NR3C2: variants seen among roughly 807,000 people sequenced by gnomAD.
The protein encoded by NR3C2 is nuclear receptor subfamily 3 group C member 2.
NR3C2 carries 15 observed loss-of-function variants against 86.4 expected under a neutral mutation model. That is an observed-to-expected ratio of 0.17 (90% confidence interval 0.12 to 0.27). NR3C2 has a LOEUF of 0.27. Among genes scored for constraint, NR3C2 ranks in the 10% least tolerant of loss-of-function variants. The pLI is 1.00. For missense variants in NR3C2, 960 were observed against 1,195.6 expected (o/e 0.80, Z 2.91); for synonymous variants, 458 against 450.5 (o/e 1.02, Z -0.21).
At chr4:148,195,032 T>C (rs1736376957) in intron 3 of NR3C2, among the ~76,000 whole-genome samples, 170 bp from the exon 4 acceptor site, 1 of 152,228 alleles carries the variant, frequency 6.6e-6, no homozygotes, top group Non-Finnish European at 1.5e-5. Context: ...GTCAGCTTAA[T>C]GCAGCTGAGA....
chr4:148,325,846 A>G (rs911061428), intron 2 of NR3C2, among the ~76,000 whole-genome samples: 4 of 152,110 alleles, frequency 2.6e-5, no homozygotes, highest in African/African-American at 9.7e-5. Flanking sequence ...GTTATCCAAT[A>G]TCTTGTTTTA....
At chr4:148,175,333 C>T (rs949971508) in intron 4 of NR3C2, among the ~76,000 whole-genome samples, 2 of 152,078 alleles carry the variant, frequency 1.3e-5, no homozygotes, top group African/African-American at 2.4e-5. Flanking sequence ...GAAGGATGCC[C>T]GTGCTCCATT....
intron 2 of NR3C2, among the ~76,000 whole-genome samples, chr4:148,265,339 T>C (rs368081159): frequency 1.3e-5 from 2 of 152,242 alleles, no homozygotes; most frequent in South Asian, 4.1e-4. Context: ...GTGTGCTATG[T>C]TTTTGCCCAA....
chr4:148,355,142 A>G (rs939154328), intron 2 of NR3C2, among the ~76,000 whole-genome samples: 1 of 152,178 alleles, frequency 6.6e-6, no homozygotes, highest in Non-Finnish European at 1.5e-5. Flanking sequence ...TAAATGTTCT[A>G]TAGTAAAGAT....
At chr4:148,366,480 TCAGCA>T (rs1746147160) in intron 2 of NR3C2, among the ~76,000 whole-genome samples, 1 of 19,360 alleles carries the variant, frequency 5.2e-5, no homozygotes, top group Non-Finnish European at 1.0e-4. Context: ...TAAAAAGTAC[TCAGCA>T]CTTTTAAAAA....
intron 2 of NR3C2, among the ~76,000 whole-genome samples, chr4:148,365,694 C>T (rs553335913): frequency 2.6e-4 from 39 of 152,200 alleles, no homozygotes; most frequent in African/African-American, 8.4e-4. Context: ...ATTTTGAGAT[C>T]TCTACAACCA....
At chr4:148,429,512 T>C (rs755835031) in intron 2 of NR3C2, among the ~76,000 whole-genome samples, 9 of 152,236 alleles carry the variant, frequency 5.9e-5, no homozygotes, top group African/African-American at 2.2e-4. Flanking sequence ...TCCACCACTT[T>C]TCTACATAAA....
intron 2 of NR3C2, among the ~76,000 whole-genome samples, chr4:148,405,645 G>A (rs1297956456): frequency 6.6e-6 from 1 of 152,212 alleles, no homozygotes; most frequent in East Asian, 1.9e-4. Flanking sequence ...AAAAACTTGA[G>A]AGACCTTTGG....
At chr4:148,205,316 A>G (rs1282310060) in intron 3 of NR3C2, among the ~76,000 whole-genome samples, 1 of 152,248 alleles carries the variant, frequency 6.6e-6, no homozygotes, top group East Asian at 1.9e-4. Context: ...TTTTGGGTCT[A>G]TAATGCTATA....
chr4:148,298,764 AT>A (rs1742185285), intron 2 of NR3C2, among the ~76,000 whole-genome samples: 1 of 152,274 alleles, frequency 6.6e-6, no homozygotes, highest in South Asian at 2.1e-4. Flanking sequence ...CTTCAGAGAA[AT>A]TACAAATGCT....
intron 4 of NR3C2, among the ~76,000 whole-genome samples, chr4:148,189,311 T>C (rs1736087535): frequency 6.6e-6 from 1 of 152,198 alleles, no homozygotes; most frequent in South Asian, 2.1e-4. Flanking sequence ...ATTTTTTTGT[T>C]TTTAATTCTG....
At chr4:148,389,079 T>C (rs546167389) in intron 2 of NR3C2, among the ~76,000 whole-genome samples, 1 of 152,216 alleles carries the variant, frequency 6.6e-6, no homozygotes, top group Non-Finnish European at 1.5e-5. Context: ...TAGAGGGCTA[T>C]CTTTCATCTC....
At chr4:148,124,309 T>C (rs778784908) in intron 6 of NR3C2, among the ~76,000 whole-genome samples, 16 of 152,208 alleles carry the variant, frequency 1.1e-4, no homozygotes, top group Non-Finnish European at 2.2e-4. Context: ...TGTCTGAAAA[T>C]GTCTTTATTT....
chr4:148,136,091 ACCAC>A (rs1560940094), intron 6 of NR3C2, among the ~76,000 whole-genome samples: 84 of 137,290 alleles, frequency 6.1e-4, no homozygotes, highest in Admixed American at 1.0e-3. Flanking sequence ...AAAAAAAAAC[ACCAC>A]CAAAACCAAC....
At chr4:148,095,235 T>C (rs932286441) in intron 8 of NR3C2, among the ~76,000 whole-genome samples, 1 of 152,312 alleles carries the variant, frequency 6.6e-6, no homozygotes, top group Middle Eastern at 3.4e-3. Flanking sequence ...CTGCTCCCAG[T>C]GCAGGCTGAA....
intron 8 of NR3C2, among the ~76,000 whole-genome samples, chr4:148,083,954 AAGAAAAGAAGATGAG>A (rs1463030503): frequency 6.6e-6 from 1 of 152,156 alleles, no homozygotes; most frequent in Admixed American, 6.5e-5. Context: ...GGAATAAAGC[AAGAAAAGAAGATGAG>A]AGAAAAAAGA....
At chr4:148,443,958 C>T (rs1191649298), upstream of NR3C2, 2 of 978,644 alleles carry the variant, frequency 2.0e-6, no homozygotes, top group African/African-American at 3.5e-5. Flanking sequence ...TGGTCCTGAC[C>T]CCAGACTCTA....
At chr4:148,382,316 T>A (rs1011127380) in intron 2 of NR3C2, among the ~76,000 whole-genome samples, 5 of 152,214 alleles carry the variant, frequency 3.3e-5, no homozygotes, top group South Asian at 2.1e-4. Flanking sequence ...AACCCTGAAC[T>A]AGGAGCTAAG....
chr4:148,370,777 A>C (rs1159014696), intron 2 of NR3C2, among the ~76,000 whole-genome samples: 4 of 152,200 alleles, frequency 2.6e-5, no homozygotes, highest in African/African-American at 9.7e-5. Flanking sequence ...AGGAAATTAC[A>C]AACGTAACGT....
Sources: gnomAD v4.1 joint callset for allele counts (sites outside exome capture counted in the v4.1 genomes callset) on GRCh38, gnomAD v4.1.1 for gene constraint, MANE v1.5 for transcripts, NCBI Gene and HGNC (gene_info 2026-07-23, HGNC 2026-07-21) for gene names.